Variants in PCCA observed in about 807,000 individuals in gnomAD.
The protein encoded by PCCA is propionyl-CoA carboxylase alpha chain, mitochondrial.
Under a neutral mutation model 101.3 loss-of-function variants are expected in PCCA, and 74 were observed. The observed-to-expected ratio is 0.73, with a 90% CI of 0.61 to 0.89. The LOEUF (loss-of-function observed/expected upper bound fraction) is 0.89, where lower values mean the gene tolerates loss of function less well. Ranked by LOEUF, PCCA falls within the 40% of genes least tolerant of loss-of-function variation. The probability of loss-of-function intolerance (pLI) is 0.00; values close to 1 mark genes in which losing one functional copy is unlikely to be tolerated. For missense variants in PCCA, 891 were observed against 907.0 expected, an observed-to-expected ratio of 0.98 and a Z score of 0.23; for synonymous variants, 294 against 313.6, an observed-to-expected ratio of 0.94 and a Z score of 0.66.
At chr13:100,453,612 C>G (rs1202374456) in intron 21 of PCCA, among the ~76,000 whole-genome samples, 1 of 152,114 alleles carries the variant, frequency 6.6e-6, no homozygotes, top group African/African-American at 2.4e-5. Flanking sequence ...CTTGACTTCC[C>G]CAAGGTTTCA....
At chr13:100,448,739 T>TG in intron 20 of PCCA, among the ~76,000 whole-genome samples, 1 of 152,374 alleles carries the variant, frequency 6.6e-6, no homozygotes, top group Middle Eastern at 3.4e-3. Context: ...GACATAGAAT[T>TG]GCATTGTTGT....
chr13:100,201,558 G>A (rs1157745004), intron 6 of PCCA, among the ~76,000 whole-genome samples: 1 of 151,988 alleles, frequency 6.6e-6, no homozygotes, highest in Non-Finnish European at 1.5e-5. Context: ...ATCATGGACT[G>A]TACAAAAACA....
chr13:100,089,329 C>G, intron 1 of PCCA, 104 bp downstream of exon 1: 1 of 1,310,214 alleles, frequency 7.6e-7, no homozygotes, highest in Non-Finnish European at 9.7e-7. Flanking sequence ...TCCGGCTGCC[C>G]CCGCGCCCCG....
intron 21 of PCCA, among the ~76,000 whole-genome samples, chr13:100,456,628 G>T (rs951251954): frequency 3.3e-5 from 5 of 149,626 alleles, no homozygotes; most frequent in African/African-American, 1.3e-4. Flanking sequence ...AGAACAGGGG[G>T]GCCCTTCCCT....
chr13:100,288,099 T>C (rs574429508), intron 12 of PCCA, among the ~76,000 whole-genome samples: 1 of 152,340 alleles, frequency 6.6e-6, no homozygotes, highest in African/African-American at 2.4e-5. Flanking sequence ...AAGAAAGAGA[T>C]AGACGGAGTT....
intron 15 of PCCA, among the ~76,000 whole-genome samples, chr13:100,309,048 G>A (rs77182274): frequency 0.017 from 1,788 of 107,854 alleles, 12 homozygotes; most frequent in Non-Finnish European, 0.024. Context: ...TAAGATAGTC[G>A]TCTTCTTTCT....
At chr13:100,134,514 A>G (rs1467359798) in intron 4 of PCCA, among the ~76,000 whole-genome samples, 1 of 152,164 alleles carries the variant, frequency 6.6e-6, no homozygotes, top group Non-Finnish European at 1.5e-5. Flanking sequence ...GAGTCTTCCA[A>G]TCCATGAACA....
At chr13:100,366,366 C>A (rs567319170) in intron 18 of PCCA, among the ~76,000 whole-genome samples, 1 of 152,174 alleles carries the variant, frequency 6.6e-6, no homozygotes, top group African/African-American at 2.4e-5. Context: ...CCCTTCTACA[C>A]GTGCTTGGTG....
chr13:100,340,010 C>T (rs1029031886), intron 17 of PCCA, 147 bp from the exon 18 acceptor site: 9 of 686,044 alleles, frequency 1.3e-5, no homozygotes, highest in African/African-American at 7.1e-5. Context: ...CCTCAATGTC[C>T]GCACACCCCA....
In PCCA at chr13:100,399,686, T is replaced by C. The variant is rs2077224688; in HGVS notation, c.1747-25947T>C. ...GTTGAATGGGTTTAGAGAACTTGAA[T>C]GGTAATAAGCATTTTTATATGCATC... On this transcript the variant is annotated intron_variant, in intron 19 of 23. Transcript: ENST00000376285. Among the ~76,000 whole-genome samples, 2 of 152,218 alleles carry C rather than the reference T, an allele frequency of 1.3e-5. 1 individual carries two copies. Among genetic ancestry groups the C allele is most frequent in the African/African-American group, 4.8e-5 (2 of 41,456 alleles).
At position 100,254,443 on chromosome 13, in the gene PCCA, G is replaced by A. The variant is rs148511100; in HGVS notation, c.638-3152G>A. 5.4e-3 allele frequency among the ~76,000 whole-genome samples: 817 copies of A among 152,332 alleles called. 14 individuals are homozygous for A. Among genetic ancestry groups the A allele is most frequent in the African/African-American group, 0.019 (783 of 41,570 alleles). ...GAGAGAACATTAGTGGAAATTTCAT[G>A]TCCAGATGAGGTGAGGGGTAACAAG... On this transcript the variant is annotated intron_variant, in intron 8 of 23. Coordinates refer to ENST00000376285, the MANE Select transcript of PCCA (RefSeq NM_000282.4).
At position 100,247,015 on chromosome 13, in the gene PCCA, T is replaced by C. The variant is rs1005600152; in HGVS notation, c.638-10580T>C. Among the ~76,000 whole-genome samples, 3 of 151,718 alleles carry C rather than the reference T, an allele frequency of 2.0e-5. No individual in the cohort carries two copies. In the South Asian group the frequency reaches 6.3e-4, roughly 32 times the overall value. ...CCTCCGCCTCCCGGGTTCAAGTGAT[T>C]CTCCTGTCTCAGCCTCCTGAGTAGC... On this transcript the variant is annotated intron_variant, in intron 8 of 23. Transcript: ENST00000376285.
intron 12 of PCCA, among the ~76,000 whole-genome samples, chr13:100,280,430 G>A (rs1007296460): frequency 1.3e-5 from 2 of 151,440 alleles, no homozygotes; most frequent in Admixed American, 1.3e-4. Flanking sequence ...ACTTCTTTGT[G>A]CCTTGTATCA....
chr13:100,329,049 G>C (rs186305374), intron 16 of PCCA, among the ~76,000 whole-genome samples: 1 of 132,344 alleles, frequency 7.6e-6, no homozygotes, highest in Non-Finnish European at 1.6e-5. Flanking sequence ...ACCATTTATT[G>C]AAACGACATT....
chr13:100,434,340 C>G (rs2079774480), intron 20 of PCCA, among the ~76,000 whole-genome samples: 1 of 152,096 alleles, frequency 6.6e-6, no homozygotes, highest in Admixed American at 6.5e-5. Context: ...ACTTCTGAGG[C>G]CTTCTCTTTG....
At position 100,530,273 on chromosome 13, in the gene PCCA, G is replaced by A. The variant is rs2088308732; in HGVS notation, c.*107G>A. On this transcript the variant is annotated 3_prime_UTR_variant, in exon 24 of 24. Transcript: ENST00000376285. ...TACAGGAACACCCCTGTGCAGCTAC[G>A]TTTACGTCGTCATTTATTCCACAGA... 1 of 890,512 alleles carries A rather than the reference G, an allele frequency of 1.1e-6. No individual in the cohort carries two copies. 55.2% of individuals were successfully genotyped at this position (890,512 alleles called of 1,614,324 possible).
chr13:100,417,892 C>T (rs149358703), intron 19 of PCCA, among the ~76,000 whole-genome samples: 2 of 152,220 alleles, frequency 1.3e-5, no homozygotes, highest in East Asian at 3.9e-4. Context: ...TCATTCAGGA[C>T]GACTGCTCCG....
At chr13:100,146,174 C>T (rs1040661857) in intron 4 of PCCA, among the ~76,000 whole-genome samples, 2 of 151,570 alleles carry the variant, frequency 1.3e-5, no homozygotes, top group East Asian at 4.0e-4. Flanking sequence ...CTCCTGGCCT[C>T]AAGCGATCTG....
chr13:100,192,285 T>C (rs947709611), intron 6 of PCCA, among the ~76,000 whole-genome samples: 2 of 152,172 alleles, frequency 1.3e-5, no homozygotes, highest in East Asian at 1.9e-4. Context: ...TATTTTGATT[T>C]TAATTGTGTT....
Sources: gnomAD v4.1 joint callset for allele counts (sites outside exome capture counted in the v4.1 genomes callset) on GRCh38, gnomAD v4.1.1 for gene constraint, MANE v1.5 for transcripts, NCBI Gene and HGNC (gene_info 2026-07-23, HGNC 2026-07-21) for gene names.